Variants in FRMD7 observed in about 807,000 individuals in gnomAD.
FRMD7 encodes the protein FERM domain-containing protein 7.
Under a neutral mutation model 44.1 loss-of-function variants are expected in FRMD7, and 14 were observed. That is an observed-to-expected ratio of 0.32 (90% CI 0.21 to 0.50). The LOEUF is 0.50. Among genes scored for constraint, FRMD7 ranks in the 20% least tolerant of loss-of-function variants. The pLI, the probability that FRMD7 is intolerant of heterozygous loss-of-function variation, is 0.99. For synonymous variants in FRMD7, 212 were observed against 187.4 expected, an observed-to-expected ratio of 1.13 and a Z score of -1.07; for missense variants, 501 against 522.3, an observed-to-expected ratio of 0.96 and a Z score of 0.40.
intron 5 of FRMD7, among the ~76,000 whole-genome samples, chrX:132,087,116 A>T (rs551532279): frequency 9.0e-6 from 1 of 111,730 alleles, no homozygotes; most frequent in East Asian, 2.8e-4. Flanking sequence ...TGATTTTTGG[A>T]TTCTTTTTTC....
chrX:132,122,326 A>G (rs1284096837), intron 1 of FRMD7, among the ~76,000 whole-genome samples: 3 of 112,080 alleles, frequency 2.7e-5, no homozygotes, highest in Middle Eastern at 4.7e-3. Context: ...CACACCTTCA[A>G]ATTGTTGGGG....
At chrX:132,103,125 G>A (rs1399450039) in intron 1 of FRMD7, among the ~76,000 whole-genome samples, 3 of 111,901 alleles carry the variant, frequency 2.7e-5, no homozygotes, top group South Asian at 3.7e-4. Flanking sequence ...CATAGTGTAC[G>A]TTGAAATTGG....
At chrX:132,101,268 T>C (rs1018435232) in intron 1 of FRMD7, among the ~76,000 whole-genome samples, 1 of 111,167 alleles carries the variant, frequency 9.0e-6, no homozygotes, top group Non-Finnish European at 1.9e-5. Flanking sequence ...TAGTTCCCCA[T>C]ACCTGTCTAG....
At chrX:132,127,090 T>A (rs1004483068) in intron 1 of FRMD7, among the ~76,000 whole-genome samples, 2 of 112,350 alleles carry the variant, frequency 1.8e-5, no homozygotes, top group Non-Finnish European at 3.8e-5. Flanking sequence ...ATGTAGAACT[T>A]TTCAAAATGC....
intron 3 of FRMD7, among the ~76,000 whole-genome samples, chrX:132,098,151 A>G (rs929127507): frequency 8.9e-6 from 1 of 112,511 alleles, no homozygotes; most frequent in African/African-American, 3.2e-5. Flanking sequence ...TAAGAAGCAC[A>G]GGATTCCCAG....
In FRMD7 at chrX:132,082,481, C is replaced by A; in HGVS notation, c.787G>T (p.Ala263Ser). ...CAAGTCTTCCAGAAAGCCTTGCAGG[C>A]ATCTCGGCTGGCCATGGTGAACTCC... ...TLEFTMASRD[A>S]CKAFWKTCVE... Residue 263 changes from alanine (A) to serine (S), a missense_variant, in exon 9 of 12, where the codon GCC becomes TCC. Physicochemically the swap from Ala to Ser is moderately conservative, Grantham distance 99. Coordinates refer to ENST00000298542, the MANE Select transcript of FRMD7 (RefSeq NM_194277.3). 4 of 1,210,597 alleles carry A rather than the reference C, an allele frequency of 3.3e-6. No homozygotes were observed. The highest frequency in any genetic ancestry group is 4.5e-6 in the Non-Finnish European group (4 of 894,140).
At chrX:132,125,054 A>G (rs1264566668) in intron 1 of FRMD7, among the ~76,000 whole-genome samples, 1 of 111,903 alleles carries the variant, frequency 8.9e-6, no homozygotes, top group Non-Finnish European at 1.9e-5. Flanking sequence ...ATCATTTGGC[A>G]TATAAATGAT....
At chrX:132,110,566 TCA>T (rs1928752868) in intron 1 of FRMD7, among the ~76,000 whole-genome samples, 1 of 111,492 alleles carries the variant, frequency 9.0e-6, no homozygotes, top group African/African-American at 3.3e-5. Context: ...CCTTTATGCA[TCA>T]CTTTGCTCAT....
intron 4 of FRMD7, 65 bp from the exon 5 acceptor site, chrX:132,094,204 C>T: frequency 1.4e-6 from 1 of 693,830 alleles, no homozygotes; most frequent in Non-Finnish European, 2.3e-6. Context: ...CATTTTCCTT[C>T]TCCCAGATCC....
intron 5 of FRMD7, among the ~76,000 whole-genome samples, chrX:132,089,587 A>C (rs371579465): frequency 8.9e-6 from 1 of 112,078 alleles, no homozygotes; most frequent in East Asian, 2.8e-4. Context: ...GAAAATTGCA[A>C]ATTGTATATC....
chrX:132,087,934 A>G (rs1288287630), intron 5 of FRMD7, among the ~76,000 whole-genome samples: 1 of 110,973 alleles, frequency 9.0e-6, no homozygotes, highest in Non-Finnish European at 1.9e-5. Flanking sequence ...TAATAGAATA[A>G]AGGACAAAAA....
chrX:132,113,586 T>G (rs1489988385), intron 1 of FRMD7, among the ~76,000 whole-genome samples: 1 of 111,757 alleles, frequency 8.9e-6, no homozygotes, highest in East Asian at 2.8e-4. Context: ...CTAGAACTTG[T>G]TTTTTTCATT....
chrX:132,124,569 A>G (rs1199569222), intron 1 of FRMD7, among the ~76,000 whole-genome samples: 3 of 112,029 alleles, frequency 2.7e-5, no homozygotes, highest in Admixed American at 9.5e-5. Context: ...AGGTTGACTA[A>G]TATTTTCAGA....
At chrX:132,121,905 C>T (rs1929043767) in intron 1 of FRMD7, among the ~76,000 whole-genome samples, 1 of 110,988 alleles carries the variant, frequency 9.0e-6, no homozygotes, top group Non-Finnish European at 1.9e-5. Context: ...TCTTATGGAC[C>T]CTTCCAGGAT....
chrX:132,114,094 C>T (rs1018615564), intron 1 of FRMD7, among the ~76,000 whole-genome samples: 2 of 110,774 alleles, frequency 1.8e-5, no homozygotes, highest in African/African-American at 6.6e-5. Flanking sequence ...ACTTGCTCCC[C>T]GAGTCTGTCT....
At chrX:132,080,152 A>T in intron 10 of FRMD7, 46 bp downstream of exon 10, 1 of 1,136,067 alleles carries the variant, frequency 8.8e-7, no homozygotes, top group Non-Finnish European at 1.2e-6. Flanking sequence ...GAAATCTCCA[A>T]ATTCAACATA....
chrX:132,103,439 G>C (rs986608699), intron 1 of FRMD7, among the ~76,000 whole-genome samples: 5 of 110,630 alleles, frequency 4.5e-5, no homozygotes, highest in African/African-American at 1.3e-4. Context: ...GAAGGAATTG[G>C]AACTCCAATC....
At position 132,078,292 on chromosome X, in the gene FRMD7, T is replaced by C; in HGVS notation, c.1725A>G (p.Glu575=). ...VGLEEEDPNL[E]DAFVCNIQEQ... is the part of the protein sequence containing the mutation. ...CTTGAATGTTACATACAAATGCATC[T>C]TCCAAATTTGGGTCTTCCTCTTCTA... The change falls in exon 12 of 12, where the codon GAA becomes GAG. Residue 575 remains glutamate, a synonymous_variant. Transcript: ENST00000298542. 8.3e-7 allele frequency: 1 copy of C among 1,211,686 alleles called. No homozygotes were observed. The highest frequency in any genetic ancestry group is 1.1e-6 in the Non-Finnish European group (1 of 895,236).
At position 132,092,689 on chromosome X, in the gene FRMD7, C is replaced by G. The variant is rs189310894; in HGVS notation, c.382+1353G>C. ...TGTTAAGAATGAAATTGAGCTCCCC[C>G]GTCAGAGACTGCCTGGGAGCCCCAA... On this transcript the variant is annotated intron_variant, in intron 5 of 11. Coordinates refer to ENST00000298542, the MANE Select transcript of FRMD7 (RefSeq NM_194277.3). Among the ~76,000 whole-genome samples the G allele has an allele frequency of 4.0e-4, 45 of 111,862 alleles. No individual in the cohort carries two copies. In the East Asian group the frequency reaches 0.013, roughly 31 times the overall value.
Sources: gnomAD v4.1 joint callset for allele counts (sites outside exome capture counted in the v4.1 genomes callset) on GRCh38, gnomAD v4.1.1 for gene constraint, MANE v1.5 for transcripts, NCBI Gene and HGNC (gene_info 2026-07-23, HGNC 2026-07-21) for gene names.